Variants in LSS observed in about 807,000 individuals in gnomAD.
LSS encodes lanosterol synthase, also known as 2,3-epoxysqualene-lanosterol cyclase.
LSS carries 90 observed loss-of-function variants against 110.3 expected under a neutral mutation model. The observed-to-expected ratio is 0.82, with a 90% CI of 0.69 to 0.97. The LOEUF (loss-of-function observed/expected upper bound fraction) is 0.97, where lower values mean the gene tolerates loss of function less well. Among genes scored for constraint, LSS ranks in the 50% least tolerant of loss-of-function variants. The probability of loss-of-function intolerance (pLI) is 0.00; values close to 1 mark genes in which losing one functional copy is unlikely to be tolerated. For missense variants in LSS, 927 were observed against 990.0 expected, an observed-to-expected ratio of 0.94 and a Z score of 0.85; for synonymous variants, 433 against 400.0, an observed-to-expected ratio of 1.08 and a Z score of -0.98.
rs1054607013 is a variant in LSS at position 46,227,601 on chromosome 21, C to G, written c.270G>C (p.Glu90Asp). ...GMTFYVGLQA[E>D]DGHWTGDYGG... ...CATAATCACCCGTCCAGTGCCCATC[C>G]TCAGCCTGCAGCCCCACGTAAAATG... The change falls in exon 3 of 22, where the codon GAG becomes GAC. Residue 90 changes from glutamate (E) to aspartate (D), a missense_variant. Glu to Asp is a conservative substitution (Grantham distance 45). Transcript: ENST00000397728. 2 of 1,613,870 alleles carry G rather than the reference C, an allele frequency of 1.2e-6. No individual in the cohort carries two copies. The highest frequency in any genetic ancestry group is 2.7e-5 in the African/African-American group (2 of 74,870).
chr21:46,228,700 A>C, intron 1 of LSS, 32 bp downstream of exon 1: 4 of 1,602,574 alleles, frequency 2.5e-6, no homozygotes, highest in Non-Finnish European at 3.4e-6. Flanking sequence ...ACCACCCCGC[A>C]TTCGTCAGGA....
intron 1 of LSS, 38 bp from the exon 2 acceptor site, chr21:46,228,637 C>T (rs763682119): frequency 1.3e-6 from 2 of 1,593,366 alleles, no homozygotes; most frequent in African/African-American, 1.3e-5. Flanking sequence ...AGGCCCCGCC[C>T]CAACGCCGGC....
rs202108542 is a variant in LSS, at chr21:46,227,584, C to G, written c.287G>C (p.Gly96Ala). Residue 96 changes from glycine (G) to alanine (A), a missense_variant, in exon 3 of 22, where the codon GGT (glycine) becomes GCT (alanine). Transcript: ENST00000397728. ...GLQAEDGHWT[G>A]DYGGPLFLLP... ...GAGGAAAAGTGGGCCACCATAATCA[C>G]CCGTCCAGTGCCCATCCTCAGCCTG... The G allele has an allele frequency of 1.9e-6, 3 of 1,614,014 alleles. No individual in the cohort carries two copies. The highest frequency in any genetic ancestry group is 3.3e-5 in the Admixed American group (2 of 60,020).
intron 3 of LSS, 76 bp downstream of exon 3, chr21:46,227,476 C>A: frequency 6.4e-7 from 1 of 1,562,556 alleles, no homozygotes; most frequent in Non-Finnish European, 8.7e-7. Flanking sequence ...CATCAAAACC[C>A]TAGACCAGGC....
Position 46,189,031 on chromosome 21 carries a change from C to T in LSS, c.*2073G>A, listed in dbSNP as rs887887372. The T allele has an allele frequency of 3.3e-6, 1 of 302,532 alleles. No individual in the cohort carries two copies. The highest frequency in any genetic ancestry group is 6.6e-6 in the Non-Finnish European group (1 of 152,360). The allele number at this position is 302,532 out of a possible 1,614,324, so 18.7% of individuals were successfully genotyped here. On this transcript the variant is annotated 3_prime_UTR_variant, in exon 22 of 22. Transcript: ENST00000397728. ...TCTTGTTCCCTAAACCAGGCTGGGC[C>T]TCCCACTCGCCCCACAGGCAGGTGA...
chr21:46,221,066 A>AGCCAGACCAGGGCTTGGAGAG (rs2080272956), intron 5 of LSS, among the ~76,000 whole-genome samples: 2 of 139,318 alleles, frequency 1.4e-5, no homozygotes, highest in Non-Finnish European at 3.1e-5. Flanking sequence ...GGCTTGGAGA[A>AGCCAGACCAGGGCTTGGAGAG]GTAGACAGTT....
At chr21:46,201,000 G>A (rs1316060725) in intron 17 of LSS, among the ~76,000 whole-genome samples, 2 of 146,020 alleles carry the variant, frequency 1.4e-5, no homozygotes, top group Admixed American at 6.7e-5. Flanking sequence ...GGGAAGACAG[G>A]TAATGAAGCC....
At chr21:46,227,283 C>T (rs2080351637) in intron 3 of LSS, 1 of 445,994 alleles carries the variant, frequency 2.2e-6, no homozygotes, top group South Asian at 3.8e-5. Flanking sequence ...ACTTCAAAGC[C>T]CACCTTCCTC....
At chr21:46,205,470 T>C (rs1448926760) in intron 17 of LSS, among the ~76,000 whole-genome samples, 1 of 152,190 alleles carries the variant, frequency 6.6e-6, no homozygotes, top group African/African-American at 2.4e-5. Context: ...ACTGTTCGCT[T>C]CCTGTTTGCT....
intron 14 of LSS, 111 bp downstream of exon 14, chr21:46,208,140 C>G (rs1361510511): frequency 9.7e-7 from 1 of 1,035,488 alleles, no homozygotes; most frequent in Non-Finnish European, 1.4e-6. Flanking sequence ...CCAAAAACGC[C>G]AAGGGAGGAG....
At chr21:46,200,099 A>T (rs2123707618) in intron 17 of LSS, among the ~76,000 whole-genome samples, 1 of 152,242 alleles carries the variant, frequency 6.6e-6, no homozygotes, top group South Asian at 2.1e-4. Flanking sequence ...ATAAAAGATA[A>T]AGTACATAAA....
intron 3 of LSS, among the ~76,000 whole-genome samples, chr21:46,225,832 C>T (rs537604168): frequency 1.3e-5 from 2 of 152,270 alleles, no homozygotes; most frequent in South Asian, 2.1e-4. Flanking sequence ...TTACCCTGCC[C>T]CTTTGTCTTG....
In LSS at chr21:46,213,926, G is replaced by A. The variant is rs572195283; in HGVS notation, c.1012-91C>T. The A allele has an allele frequency of 1.4e-5, 12 of 874,830 alleles. No homozygotes were observed. In the South Asian group the frequency reaches 1.7e-4, roughly 12 times the overall value. The allele number at this position is 874,830 out of a possible 1,614,324, so 54.2% of individuals were successfully genotyped here. A position where few individuals can be genotyped will look rare whatever the true frequency, so the allele number is the denominator to read the frequency against. ...TCGTCCAGATCCACAGCAGCCCCCAGGCATAAAGTGCCGTGCAGATCACTC... is the reference window on the plus strand; with the variant it reads ...TCGTCCAGATCCACAGCAGCCCCCAAGCATAAAGTGCCGTGCAGATCACTC... On this transcript the variant is annotated intron_variant, in intron 9 of 21. Transcript: ENST00000397728.
chr21:46,210,628 C>G, intron 12 of LSS, 60 bp downstream of exon 12: 1 of 1,528,826 alleles, frequency 6.5e-7, no homozygotes. Context: ...CAGGTGGATG[C>G]GTGGGCTCAC....
At chr21:46,225,247 G>C (rs1035904014) in intron 3 of LSS, 5 of 301,098 alleles carry the variant, frequency 1.7e-5, no homozygotes, top group South Asian at 1.2e-4. Flanking sequence ...AGAGATAGGA[G>C]CTGAAGAGAC....
At position 46,188,511 on chromosome 21, in the gene LSS, A is replaced by G. The variant is rs2079760854; in HGVS notation, c.*2593T>C. 1.2e-5 allele frequency: 5 copies of G among 401,386 alleles called. No homozygotes were observed. Among genetic ancestry groups the G allele is most frequent in the South Asian group, 7.0e-5 (4 of 56,742 alleles). 24.9% of individuals were successfully genotyped at this position (401,386 alleles called of 1,614,324 possible). On this transcript the variant is annotated 3_prime_UTR_variant, in exon 22 of 22. Transcript: ENST00000397728. ...CCCCTCAGACAGAGGCTGCACCGGT[A>G]CAGCTGCCATCTCCTCTTGGTGGTG...
chr21:46,215,303 A>G lies in LSS; in HGVS notation c.893-5T>C, dbSNP rs1245273890. Reference sequence around the variant, plus strand: ...GCTCATACAGGTTGAGGAGCGCTACAGGGGACAGGGGTCAGTGGATGCCAG... The same window carrying G: ...GCTCATACAGGTTGAGGAGCGCTACGGGGGACAGGGGTCAGTGGATGCCAG... On this transcript the variant is annotated splice_region_variant and splice_polypyrimidine_tract_variant and intron_variant, in intron 8 of 21. Transcript: ENST00000397728. The G allele has an allele frequency of 6.3e-7, 1 of 1,586,950 alleles. No homozygotes were observed. Among genetic ancestry groups the G allele is most frequent in the African/African-American group, 1.3e-5 (1 of 74,704 alleles).
Position 46,208,173 on chromosome 21 carries a change from T to C in LSS, c.1317+78A>G. ...GAGTCCCCCAGGGAGGAGCCCCCCC[T>C]TCAGAGGGAAGGACCCACCCTGCTG... On this transcript the variant is annotated intron_variant, in intron 14 of 21. Transcript: ENST00000397728. 2.2e-6 allele frequency: 3 copies of C among 1,395,228 alleles called. No individual in the cohort carries two copies. In the Admixed American group the frequency reaches 5.9e-5, roughly 28 times the overall value. The allele number at this position is 1,395,228 out of a possible 1,614,324, so 86.4% of individuals were successfully genotyped here. A position where few individuals can be genotyped will look rare whatever the true frequency, so the allele number is the denominator to read the frequency against.
At chr21:46,222,035 CA>C (rs2123758804) in intron 4 of LSS, 60 bp from the exon 5 acceptor site, 1 of 1,589,334 alleles carries the variant, frequency 6.3e-7, no homozygotes, top group East Asian at 2.2e-5. Flanking sequence ...AGAAATAAAG[CA>C]AAACTTTCTG....
Sources: gnomAD v4.1 joint callset for allele counts (sites outside exome capture counted in the v4.1 genomes callset) on GRCh38, gnomAD v4.1.1 for gene constraint, MANE v1.5 for transcripts, NCBI Gene and HGNC (gene_info 2026-07-23, HGNC 2026-07-21) for gene names.